Variants in LNPK observed in about 807,000 individuals in gnomAD.
The protein encoded by LNPK is lunapark, ER junction formation factor.
In LNPK, 29 loss-of-function variants were observed where a neutral mutation model predicts 55.2. That is an observed-to-expected ratio of 0.53 (90% confidence interval 0.39 to 0.72). LNPK has a LOEUF of 0.72. Ranked by LOEUF, LNPK falls within the 30% of genes least tolerant of loss-of-function variation. The pLI is 0.00. For missense variants in LNPK, 467 were observed against 494.8 expected, an observed-to-expected ratio of 0.94 and a Z score of 0.53; for synonymous variants, 162 against 168.2, an observed-to-expected ratio of 0.96 and a Z score of 0.29.
At chr2:175,931,608 A>G (rs999759668) in intron 12 of LNPK, among the ~76,000 whole-genome samples, 1 of 152,156 alleles carries the variant, frequency 6.6e-6, no homozygotes, top group Non-Finnish European at 1.5e-5. Context: ...CTATGCTCAC[A>G]AAAAATAGTA....
intron 6 of LNPK, among the ~76,000 whole-genome samples, chr2:175,966,212 C>T (rs558085916): frequency 6.6e-5 from 10 of 152,200 alleles, no homozygotes; most frequent in South Asian, 2.1e-4. Context: ...TACAGATGCG[C>T]GCCACCACAC....
chr2:175,969,276 T>C (rs976700243), intron 6 of LNPK, among the ~76,000 whole-genome samples: 35 of 152,240 alleles, frequency 2.3e-4, no homozygotes, highest in African/African-American at 8.0e-4. Flanking sequence ...TGCAGAGCTA[T>C]TGAACTCAAC....
intron 8 of LNPK, among the ~76,000 whole-genome samples, chr2:175,961,807 T>C (rs1013770425): frequency 9.2e-5 from 14 of 152,158 alleles, no homozygotes; most frequent in Admixed American, 9.2e-4. Context: ...GAAAACCCCA[T>C]CATCTCAGCC....
Position 175,929,882 on chromosome 2 carries a change from CA to C in LNPK, c.*84del. On this transcript the variant is annotated 3_prime_UTR_variant, in exon 13 of 13. Coordinates refer to ENST00000272748, the MANE Select transcript of LNPK (RefSeq NM_030650.3). ...ATACACAAGCATACCCTTAGAGGGG[CA>C]AAAAAAGTAAGTGCCACCGAAAAAG... 1 of 1,565,738 alleles carries C rather than the reference CA, an allele frequency of 6.4e-7. No individual in the cohort carries two copies. Among genetic ancestry groups the C allele is most frequent in the Non-Finnish European group, 8.6e-7 (1 of 1,156,136 alleles).
At chr2:175,978,794 T>C (rs1452924189) in intron 5 of LNPK, among the ~76,000 whole-genome samples, 2 of 152,188 alleles carry the variant, frequency 1.3e-5, no homozygotes, top group Admixed American at 6.5e-5. Context: ...TTGCCAGTCA[T>C]TGATTAGGCA....
chr2:175,945,006 C>A (rs1559034645), intron 9 of LNPK, among the ~76,000 whole-genome samples: 1 of 151,584 alleles, frequency 6.6e-6, no homozygotes. Context: ...TCCAGCAATT[C>A]TCCTGCCTCA....
At chr2:175,961,226 T>C (rs1686012232) in intron 8 of LNPK, among the ~76,000 whole-genome samples, 1 of 152,198 alleles carries the variant, frequency 6.6e-6, no homozygotes, top group Non-Finnish European at 1.5e-5. Context: ...ATCAGCCTGA[T>C]ACCAAAGCCT....
At chr2:175,939,352 A>T (rs966229914) in intron 10 of LNPK, among the ~76,000 whole-genome samples, 200 bp downstream of exon 10, 1 of 152,170 alleles carries the variant, frequency 6.6e-6, no homozygotes, top group African/African-American at 2.4e-5. Context: ...TATTTTTTCA[A>T]AATGGATTTA....
intron 1 of LNPK, among the ~76,000 whole-genome samples, chr2:175,997,711 G>GTGTGTGTGTGTGTA (rs1553510497): frequency 2.1e-5 from 3 of 141,962 alleles, no homozygotes; most frequent in Non-Finnish European, 4.5e-5. Flanking sequence ...TGCTCTGTGT[G>GTGTGTGTGTGTGTA]TGTGTGTGTG....
At chr2:175,996,036 C>T (rs186259614) in intron 1 of LNPK, among the ~76,000 whole-genome samples, 1 of 151,976 alleles carries the variant, frequency 6.6e-6, no homozygotes, top group African/African-American at 2.4e-5. Flanking sequence ...TGGTCTTGAA[C>T]TCCTGGCCTC....
intron 4 of LNPK, among the ~76,000 whole-genome samples, chr2:175,983,959 G>C (rs72912955): frequency 0.054 from 8,084 of 149,588 alleles, 299 homozygotes; most frequent in Admixed American, 0.11. Flanking sequence ...TTAAGGTATA[G>C]AAAAAAAAAG....
At chr2:175,946,902 C>T (rs1685153742) in intron 9 of LNPK, among the ~76,000 whole-genome samples, 1 of 151,846 alleles carries the variant, frequency 6.6e-6, no homozygotes, top group South Asian at 2.1e-4. Context: ...GGATCTTCCC[C>T]TAGAGATCCA....
At chr2:175,939,693 C>A in intron 9 of LNPK, 36 bp from the exon 10 acceptor site, 1 of 999,898 alleles carries the variant, frequency 1.0e-6, no homozygotes, top group Non-Finnish European at 1.5e-6. Context: ...AATTTATATA[C>A]ATGAAATACA....
chr2:175,995,219 C>T (rs1248580069), intron 2 of LNPK, among the ~76,000 whole-genome samples: 1 of 152,012 alleles, frequency 6.6e-6, no homozygotes, highest in African/African-American at 2.4e-5. Context: ...CACACCCGGC[C>T]TAGAATACTT....
chr2:175,947,783 C>A, intron 8 of LNPK, 91 bp from the exon 9 acceptor site: 2 of 827,122 alleles, frequency 2.4e-6, no homozygotes, highest in Non-Finnish European at 3.6e-6. Context: ...AATTTTACGC[C>A]CCAAAAGGCA....
chr2:175,942,323 T>C (rs1684891654), intron 9 of LNPK, among the ~76,000 whole-genome samples: 1 of 152,236 alleles, frequency 6.6e-6, no homozygotes, highest in African/African-American at 2.4e-5. Flanking sequence ...TTAAGAGATT[T>C]GAGCATCCGT....
At chr2:175,988,842 C>T (rs555738367) in intron 4 of LNPK, among the ~76,000 whole-genome samples, 3 of 152,258 alleles carry the variant, frequency 2.0e-5, no homozygotes, top group East Asian at 1.9e-4. Context: ...GGCGTGACCT[C>T]GGCTCACTGT....
chr2:175,965,923 T>C (rs1038864679), intron 6 of LNPK, among the ~76,000 whole-genome samples: 6 of 152,210 alleles, frequency 3.9e-5, no homozygotes, highest in Non-Finnish European at 7.3e-5. Flanking sequence ...AGACTTTTGA[T>C]TTTTTAGCAG....
intron 5 of LNPK, among the ~76,000 whole-genome samples, chr2:175,975,483 C>T (rs949832575): frequency 2.0e-5 from 3 of 151,786 alleles, no homozygotes; most frequent in African/African-American, 7.3e-5. Context: ...ACATAGTGGC[C>T]GTATATATTT....
Sources: allele counts gnomAD v4.1 joint callset (sites outside exome capture counted in the v4.1 genomes callset), GRCh38; gene constraint gnomAD v4.1.1; transcripts MANE v1.5; gene names NCBI Gene and HGNC (gene_info 2026-07-23, HGNC 2026-07-21).